RMND5A: variants seen among roughly 807,000 people sequenced by gnomAD.
The protein encoded by RMND5A is required for meiotic nuclear division 5 homolog A, also known as E3 ubiquitin-protein transferase RMND5A.
Under a neutral mutation model 49.7 loss-of-function variants are expected in RMND5A, and 17 were observed. The ratio of observed to expected loss-of-function variants is 0.34; its 90% CI spans 0.23 to 0.51. RMND5A has a LOEUF of 0.51. RMND5A is among the 20% of genes least tolerant of loss of function. RMND5A has a pLI of 0.96. For synonymous variants in RMND5A, 156 were observed against 167.7 expected (o/e 0.93, Z 0.54); for missense variants, 255 against 471.3 (o/e 0.54, Z 4.25).
At chr2:86,772,865 A>C (rs1221322293) in intron 8 of RMND5A, among the ~76,000 whole-genome samples, 2 of 151,634 alleles carry the variant, frequency 1.3e-5, no homozygotes, top group Non-Finnish European at 2.9e-5. Flanking sequence ...GGTGTGAGCC[A>C]CCTTGCCTGG....
intron 1 of RMND5A, 120 bp downstream of exon 1, chr2:86,720,929 G>T (rs1681198450): frequency 1.1e-6 from 1 of 892,620 alleles, no homozygotes; most frequent in Non-Finnish European, 1.6e-6. Context: ...CCTCCCCTGA[G>T]GCGCGGAGGC....
intron 4 of RMND5A, among the ~76,000 whole-genome samples, chr2:86,762,675 TATATC>T (rs1309300560): frequency 7.5e-5 from 9 of 120,124 alleles, no homozygotes; most frequent in Non-Finnish European, 1.5e-4. Flanking sequence ...TATATATATA[TATATC>T]ATATATATAT....
intron 4 of RMND5A, among the ~76,000 whole-genome samples, chr2:86,761,733 G>T (rs1672492653): frequency 6.6e-6 from 1 of 152,182 alleles, no homozygotes; most frequent in African/African-American, 2.4e-5. Context: ...TGGGTTTTGT[G>T]TTGTCCTCTC....
chr2:86,721,033 G>C, intron 1 of RMND5A: 2 of 443,242 alleles, frequency 4.5e-6, no homozygotes, highest in Non-Finnish European at 7.9e-6. Flanking sequence ...CGAACCACCC[G>C]GAAACCCAGC....
At chr2:86,772,703 T>TC (rs1672704229) in intron 8 of RMND5A, among the ~76,000 whole-genome samples, 1 of 151,984 alleles carries the variant, frequency 6.6e-6, no homozygotes, top group Non-Finnish European at 1.5e-5. Context: ...CAAGCAATTT[T>TC]CATGCCTCAG....
At chr2:86,769,970 C>G (rs748556063) in intron 6 of RMND5A, 53 bp from the exon 7 acceptor site, 4 of 1,326,474 alleles carry the variant, frequency 3.0e-6, no homozygotes, top group Non-Finnish European at 4.3e-6. Context: ...CTCCTTGGAC[C>G]AAGCGGCCTG....
intron 1 of RMND5A, among the ~76,000 whole-genome samples, chr2:86,721,644 G>A (rs1681226706): frequency 6.6e-6 from 1 of 151,812 alleles, no homozygotes; most frequent in African/African-American, 2.4e-5. Flanking sequence ...CTGAGGACAG[G>A]TACTTTTAAA....
intron 2 of RMND5A, among the ~76,000 whole-genome samples, chr2:86,746,748 G>A (rs1681543894): frequency 6.6e-6 from 1 of 152,194 alleles, no homozygotes; most frequent in Admixed American, 6.5e-5. Flanking sequence ...GCCACAGAAA[G>A]GCAGATAACT....
intron 4 of RMND5A, among the ~76,000 whole-genome samples, chr2:86,763,157 G>A (rs990445008): frequency 2.0e-5 from 3 of 150,898 alleles, no homozygotes; most frequent in East Asian, 2.0e-4. Flanking sequence ...TGAATTTTTC[G>A]TTTTTTTCTA....
At chr2:86,773,020 T>C (rs1309850177) in intron 8 of RMND5A, among the ~76,000 whole-genome samples, 1 of 152,256 alleles carries the variant, frequency 6.6e-6, no homozygotes, top group Non-Finnish European at 1.5e-5. Context: ...GAAATTCATT[T>C]AAAGACTGTT....
chr2:86,769,246 G>A lies in RMND5A; in HGVS notation c.855-777G>A, dbSNP rs576262543. On this transcript the variant is annotated intron_variant, in intron 6 of 8. Coordinates refer to ENST00000283632, the MANE Select transcript of RMND5A (RefSeq NM_022780.4). The stretch of plus-strand genomic sequence containing the variant: ...CAGGAGTGAGCCACCACCATCTGCT[G>A]TTATTAAATTCTCTAAAAACCTTAT... Among the ~76,000 whole-genome samples, 9 of 152,300 alleles carry A rather than the reference G, an allele frequency of 5.9e-5. No homozygotes were observed. In the East Asian group the frequency reaches 1.5e-3, roughly 26 times the overall value.
chr2:86,721,738 T>G (rs929447591), intron 1 of RMND5A, among the ~76,000 whole-genome samples: 4 of 151,144 alleles, frequency 2.6e-5, no homozygotes, highest in African/African-American at 9.9e-5. Context: ...GGGTCTTTAA[T>G]AAGAGGCTGA....
At chr2:86,720,891 C>A in intron 1 of RMND5A, 82 bp downstream of exon 1, 2 of 1,357,182 alleles carry the variant, frequency 1.5e-6, no homozygotes, top group South Asian at 1.5e-5. Flanking sequence ...ATCCCTCACC[C>A]ACCCTCGCGC....
chr2:86,764,128 AGTTACTGAGATTT>A (rs1251198259), intron 4 of RMND5A, among the ~76,000 whole-genome samples: 7 of 152,144 alleles, frequency 4.6e-5, no homozygotes, highest in African/African-American at 1.7e-4. Flanking sequence ...TGGTTTATGG[AGTTACTGAGATTT>A]TGTATTCTTA....
chr2:86,757,605 G>A (rs2104401612), intron 4 of RMND5A, among the ~76,000 whole-genome samples: 1 of 152,264 alleles, frequency 6.6e-6, no homozygotes, highest in South Asian at 2.1e-4. Flanking sequence ...AATAGGAACT[G>A]TCCTTGTAGC....
chr2:86,751,444 G>GC, intron 2 of RMND5A, among the ~76,000 whole-genome samples: 1 of 152,176 alleles, frequency 6.6e-6, no homozygotes, highest in African/African-American at 2.4e-5. Flanking sequence ...AGTTGGCCAT[G>GC]CCCCCACAAC....
chr2:86,725,736 CTT>C lies in RMND5A; in HGVS notation c.142+4930_142+4931del, dbSNP rs1224653718. On this transcript the variant is annotated intron_variant, in intron 1 of 8. Transcript: ENST00000283632. ...AATCCAGTGAAATGACGATTTGTCA[CTT>C]TTCCTTTTTTCTTTAACGCATCAGA... Among the ~76,000 whole-genome samples the C allele has an allele frequency of 2.5e-5, 2 of 79,388 alleles. 1 individual carries two copies. The highest frequency in any genetic ancestry group is 5.3e-5 in the Non-Finnish European group (2 of 37,984). 52.1% of individuals were successfully genotyped at this position (79,388 alleles called of 152,430 possible).
In RMND5A at chr2:86,771,793, T is replaced by TA. The variant is rs566657972; in HGVS notation, c.1112+88dup. Reference sequence around the variant, plus strand: ...TAGGAGGATAAGAAGTGATGAGGATTAAAAAAATGTAGCTAGATTTAGAAC... The same window carrying TA: ...TAGGAGGATAAGAAGTGATGAGGATTAAAAAAAATGTAGCTAGATTTAGAAC... On this transcript the variant is annotated intron_variant, in intron 8 of 8. Transcript: ENST00000283632. The TA allele has an allele frequency of 6.2e-5, 71 of 1,141,746 alleles. No individual in the cohort carries two copies. The East Asian group carries it at 1.5e-3, about 24-fold the overall frequency. 70.7% of individuals were successfully genotyped at this position (1,141,746 alleles called of 1,614,324 possible).
rs1480904402 is a variant in RMND5A at position 86,775,359 on chromosome 2, C to G, written c.*1948C>G. On this transcript the variant is annotated 3_prime_UTR_variant, in exon 9 of 9. Transcript: ENST00000283632. The stretch of plus-strand genomic sequence containing the variant: ...TTTTTTTTTTTTTTTTACCCTTTTT[C>G]TCCTTAGGCCAAGTTTAGCTTATTC... 1.6e-5 allele frequency: 1 copy of G among 64,414 alleles called. No homozygotes were observed. The highest frequency in any genetic ancestry group is 3.2e-5 in the Non-Finnish European group (1 of 31,668). The allele number at this position is 64,414 out of a possible 1,614,324, so 4.0% of individuals were successfully genotyped here.
Sources: allele counts gnomAD v4.1 joint callset (sites outside exome capture counted in the v4.1 genomes callset), GRCh38; gene constraint gnomAD v4.1.1; transcripts MANE v1.5; gene names NCBI Gene and HGNC (gene_info 2026-07-23, HGNC 2026-07-21).